Variants in MEGF6 observed in about 807,000 individuals in gnomAD.
MEGF6 encodes the protein multiple epidermal growth factor-like domains protein 6.
MEGF6 carries 184 observed loss-of-function variants against 207.1 expected under a neutral mutation model. The ratio of observed to expected loss-of-function variants is 0.89; its 90% CI spans 0.79 to 1.00. MEGF6 has a LOEUF of 1.00. Among genes scored for constraint, MEGF6 ranks in the 50% least tolerant of loss-of-function variants. The pLI, the probability that MEGF6 is intolerant of heterozygous loss-of-function variation, is 0.00. For missense variants in MEGF6, 2,282 were observed against 2,202.9 expected (o/e 1.04, Z -0.72); for synonymous variants, 1,038 against 910.0 (o/e 1.14, Z -2.53).
chr1:3,543,256 G>A (rs966223697), intron 4 of MEGF6, among the ~76,000 whole-genome samples: 12 of 152,142 alleles, frequency 7.9e-5, no homozygotes, highest in East Asian at 1.9e-4. Context: ...AGCAGGTTCC[G>A]GGCCCACCCC....
chr1:3,602,729 G>C, intron 1 of MEGF6, 129 bp from the exon 2 acceptor site: 1 of 1,339,074 alleles, frequency 7.5e-7, no homozygotes, highest in Admixed American at 2.7e-5. Context: ...AGGCCTCCAC[G>C]GCACAGTGCC....
chr1:3,604,477 C>T (rs1049562351), intron 1 of MEGF6, among the ~76,000 whole-genome samples: 1 of 152,180 alleles, frequency 6.6e-6, no homozygotes, highest in African/African-American at 2.4e-5. Context: ...ATCAGCTGCA[C>T]GAACCCAGGG....
intron 4 of MEGF6, among the ~76,000 whole-genome samples, chr1:3,542,502 G>A (rs1436903995): frequency 6.6e-6 from 1 of 152,134 alleles, no homozygotes; most frequent in Non-Finnish European, 1.5e-5. Context: ...GTGGGATCCT[G>A]GTCCCCGAGG....
At chr1:3,540,106 T>A (rs902575905) in intron 4 of MEGF6, among the ~76,000 whole-genome samples, 1 of 152,346 alleles carries the variant, frequency 6.6e-6, no homozygotes, top group Non-Finnish European at 1.5e-5. Context: ...CCCAGCGTCC[T>A]GGTTCTAGGC....
chr1:3,595,471 G>C, intron 2 of MEGF6, 24 bp from the exon 3 acceptor site: 6 of 1,585,540 alleles, frequency 3.8e-6, no homozygotes, highest in Non-Finnish European at 5.2e-6. Context: ...GAGAAGGGAA[G>C]TGCTTACCGT....
At chr1:3,530,649 GC>G (rs995753138) in intron 4 of MEGF6, among the ~76,000 whole-genome samples, 1 of 152,186 alleles carries the variant, frequency 6.6e-6, no homozygotes, top group African/African-American at 2.4e-5. Flanking sequence ...AACGGCACCT[GC>G]CACATCCACA....
Position 3,506,158 on chromosome 1 carries a change from T to C in MEGF6, c.1868A>G (p.Tyr623Cys), listed in dbSNP as rs1467358141. Residue 623 changes from tyrosine (Y) to cysteine (C), a missense_variant, in exon 15 of 37, where the codon TAC (tyrosine) becomes TGC (cysteine). Tyr to Cys is a radical substitution (Grantham distance 194, BLOSUM62 -2). Coordinates refer to ENST00000356575, the MANE Select transcript of MEGF6 (RefSeq NM_001409.4). ...CANRGRCHRLYGACLCDPGLY... is the reference protein window; with the variant it reads ...CANRGRCHRLCGACLCDPGLY... ...CCCTGGGTCGCAGAGGCAGGCCCCG[T>C]AGAGGCGGTGGCACCGGCCCCGGTT... 2.5e-6 allele frequency: 4 copies of C among 1,595,538 alleles called. No individual in the cohort carries two copies. The highest frequency in any genetic ancestry group is 3.4e-5 in the Admixed American group (2 of 57,978).
Position 3,560,605 on chromosome 1 carries a change from G to T in MEGF6, c.481+19220C>A. 1 of 385,986 alleles carries T rather than the reference G, an allele frequency of 2.6e-6. No homozygotes were observed. The highest frequency in any genetic ancestry group is 5.4e-6 in the Non-Finnish European group (1 of 184,866). 23.9% of individuals were successfully genotyped at this position (385,986 alleles called of 1,614,324 possible). A position where few individuals can be genotyped will look rare whatever the true frequency, so the allele number is the denominator to read the frequency against. The stretch of plus-strand genomic sequence containing the variant: ...GGCCCCCCTGTTCTCCAAGAGAAAC[G>T]CTCCATAGGCAGGGAAAGGCTCTGG... On this transcript the variant is annotated intron_variant, in intron 4 of 36. Coordinates refer to ENST00000356575, the MANE Select transcript of MEGF6 (RefSeq NM_001409.4). This position sits in a 1 kb window ranked among gnomAD's most constrained non-coding sequence, Gnocchi z 4.0.
At chr1:3,515,594 G>A in intron 5 of MEGF6, 67 bp from the exon 6 acceptor site, 1 of 1,573,126 alleles carries the variant, frequency 6.4e-7, no homozygotes, top group Non-Finnish European at 8.7e-7. Flanking sequence ...GTCCCTGGCT[G>A]GCATGGAGCA....
intron 4 of MEGF6, among the ~76,000 whole-genome samples, chr1:3,524,871 G>C (rs905331445): frequency 1.3e-5 from 2 of 152,174 alleles, no homozygotes; most frequent in African/African-American, 4.8e-5. Context: ...GAGACACACA[G>C]AGAGGGCCAT....
intron 7 of MEGF6, 150 bp downstream of exon 7, chr1:3,514,400 C>A: frequency 2.0e-6 from 2 of 1,019,628 alleles, no homozygotes; most frequent in East Asian, 2.7e-5. Context: ...GGAGATGAGA[C>A]CGCCACATCC....
intron 4 of MEGF6, among the ~76,000 whole-genome samples, chr1:3,529,587 A>G (rs1050714646): frequency 1.3e-5 from 2 of 152,210 alleles, no homozygotes; most frequent in Admixed American, 1.3e-4. Context: ...TCACAAGAGA[A>G]CTGTCAGCAC....
At chr1:3,502,003 A>T (rs1182241161) in intron 17 of MEGF6, 82 bp from the exon 18 acceptor site, 1 of 1,335,342 alleles carries the variant, frequency 7.5e-7, no homozygotes, top group Non-Finnish European at 9.6e-7. Context: ...GCTCCTGGTG[A>T]GTGTGCCCCC....
intron 4 of MEGF6, among the ~76,000 whole-genome samples, chr1:3,538,115 C>T (rs1268267110): frequency 6.6e-6 from 1 of 152,216 alleles, no homozygotes; most frequent in Non-Finnish European, 1.5e-5. Flanking sequence ...CCCATGCCAC[C>T]CCGCCCCTGC....
At chr1:3,496,502 C>T (rs1012711709) in intron 29 of MEGF6, among the ~76,000 whole-genome samples, 153 bp downstream of exon 29, 1 of 152,242 alleles carries the variant, frequency 6.6e-6, no homozygotes, top group Non-Finnish European at 1.5e-5. Flanking sequence ...CCTTTCTGCC[C>T]CTCTGGCTTA....
intron 4 of MEGF6, among the ~76,000 whole-genome samples, chr1:3,559,726 G>T (rs113080840): frequency 6.6e-6 from 1 of 151,922 alleles, no homozygotes; most frequent in Non-Finnish European, 1.5e-5. Flanking sequence ...ATAAGCACTC[G>T]CCCGGCCGGG....
rs1370997608 is a variant in MEGF6 at position 3,556,195 on chromosome 1, C to T, written c.481+23630G>A. 1.3e-5 allele frequency among the ~76,000 whole-genome samples: 2 copies of T among 152,256 alleles called. No homozygotes were observed. Among genetic ancestry groups the T allele is most frequent in the African/African-American group, 2.4e-5 (1 of 41,468 alleles). On this transcript the variant is annotated intron_variant, in intron 4 of 36. Transcript: ENST00000356575. This position sits in a 1 kb window ranked among gnomAD's most constrained non-coding sequence, Gnocchi z 4.4. The stretch of plus-strand genomic sequence containing the variant: ...GGCCACCCTGTGAGTCCATGCTCTG[C>T]TCCCCAAGCCCCGTCAGGATTTCCC...
At chr1:3,494,164 G>A in intron 32 of MEGF6, 40 bp from the exon 33 acceptor site, 1 of 1,525,366 alleles carries the variant, frequency 6.6e-7, no homozygotes, top group South Asian at 1.3e-5. Flanking sequence ...GGCACACGGT[G>A]GCAGAAATGT....
intron 34 of MEGF6, chr1:3,493,030 C>T (rs1006626092): frequency 5.9e-6 from 3 of 507,408 alleles, no homozygotes; most frequent in East Asian, 3.2e-5. Context: ...GAGTCACCAC[C>T]GAGTTCCTGC....
Sources: gnomAD v4.1 joint callset for allele counts (sites outside exome capture counted in the v4.1 genomes callset) on GRCh38, gnomAD v4.1.1 for gene constraint, Gnocchi (gnomAD v3.1) non-coding constraint, MANE v1.5 for transcripts, NCBI Gene and HGNC (gene_info 2026-07-23, HGNC 2026-07-21) for gene names.